The following NUS1 variants were observed in gnomAD, a reference collection of about 807,000 sequenced individuals.
The protein encoded by NUS1 is dehydrodolichyl diphosphate synthase complex subunit NUS1.
For missense variants in NUS1, 292 were observed against 382.9 expected (o/e 0.76, Z 1.98); for synonymous variants, 135 against 155.2 (o/e 0.87, Z 0.97).
At position 117,675,541 on chromosome 6, in the gene NUS1, A is replaced by T; in HGVS notation, c.-130A>T. On this transcript the variant is annotated 5_prime_UTR_variant, in exon 1 of 5. Transcript: ENST00000368494. ...GGGCGAGGTGAGGTGTTGGCAGTGG[A>T]AAGGGGTTCGGGCTCGGGGGGCGGG... is the stretch of plus-strand genomic sequence containing the variant. 1.1e-6 allele frequency: 1 copy of T among 921,754 alleles called. No individual in the cohort carries two copies. Among genetic ancestry groups the T allele is most frequent in the Non-Finnish European group, 1.6e-6 (1 of 616,426 alleles). The allele number at this position is 921,754 out of a possible 1,614,324, so 57.1% of individuals were successfully genotyped here.
At position 117,708,892 on chromosome 6, in the gene NUS1, AAAGTT is replaced by A. The variant is rs763547945; in HGVS notation, c.*1884_*1888del. On this transcript the variant is annotated 3_prime_UTR_variant, in exon 5 of 5. Transcript: ENST00000368494. ...AAAATGAAGGGATTTAATCGTTGTT[AAAGTT>A]AAGTTAGTCAAATAAATTACCTACT... is the stretch of plus-strand genomic sequence containing the variant. 6.6e-6 allele frequency: 1 copy of A among 152,054 alleles called. No individual in the cohort carries two copies. The highest frequency in any genetic ancestry group is 1.5e-5 in the Non-Finnish European group (1 of 67,950). 9.4% of individuals were successfully genotyped at this position (152,054 alleles called of 1,614,324 possible). A position where few individuals can be genotyped will look rare whatever the true frequency, so the allele number is the denominator to read the frequency against.
chr6:117,675,831 T>G lies in NUS1; in HGVS notation c.161T>G (p.Phe54Cys). The G allele has an allele frequency of 6.5e-7, 1 of 1,546,640 alleles. No individual in the cohort carries two copies. Among genetic ancestry groups the G allele is most frequent in the Non-Finnish European group, 8.7e-7 (1 of 1,146,788 alleles). ...GCCGCGGTCCTAGCGCCGCTCGGCT[T>G]CACGCTCCGCAAGCCCCCGGCAGTC... ...ASAAVLAPLG[F>C]TLRKPPAVGR... Residue 54 changes from phenylalanine to cysteine, a missense_variant, in exon 1 of 5, where the codon TTC (phenylalanine) becomes TGC (cysteine). Coordinates refer to ENST00000368494, the MANE Select transcript of NUS1 (RefSeq NM_138459.5).
intron 1 of NUS1, among the ~76,000 whole-genome samples, chr6:117,690,666 A>G (rs533019334): frequency 6.6e-6 from 1 of 152,182 alleles, no homozygotes; most frequent in Non-Finnish European, 1.5e-5. Context: ...CTTTCCTTCA[A>G]ACAAGTTCTC....
At chr6:117,700,749 T>C (rs1351722714) in intron 3 of NUS1, among the ~76,000 whole-genome samples, 4 of 152,212 alleles carry the variant, frequency 2.6e-5, no homozygotes, top group Non-Finnish European at 5.9e-5. Context: ...AATGTACATA[T>C]GGACCACAGA....
At chr6:117,685,855 G>A (rs1007161433) in intron 1 of NUS1, among the ~76,000 whole-genome samples, 2 of 151,832 alleles carry the variant, frequency 1.3e-5, no homozygotes, top group African/African-American at 4.8e-5. Context: ...TTTTTAAAAA[G>A]AGCTCTGGAG....
chr6:117,705,974 A>T (rs1773494271), intron 4 of NUS1, among the ~76,000 whole-genome samples: 1 of 152,160 alleles, frequency 6.6e-6, no homozygotes, highest in South Asian at 2.1e-4. Flanking sequence ...AAAGACAGGC[A>T]GGAGTCCTTT....
At chr6:117,688,598 T>G (rs1041161266) in intron 1 of NUS1, among the ~76,000 whole-genome samples, 1 of 152,176 alleles carries the variant, frequency 6.6e-6, no homozygotes, top group Non-Finnish European at 1.5e-5. Flanking sequence ...ACACTTAAAG[T>G]CCTGCTCCTT....
At position 117,676,659 on chromosome 6, in the gene NUS1, A is replaced by G. The variant is rs904466714; in HGVS notation, c.415+574A>G. ...CTGCAGTAATGTAGATGGTATTTGT[A>G]TACCCTTGCCAAGGTTTAAAAACAT... On this transcript the variant is annotated intron_variant, in intron 1 of 4. Transcript: ENST00000368494. Among the ~76,000 whole-genome samples, 3 of 152,362 alleles carry G rather than the reference A, an allele frequency of 2.0e-5. No homozygotes were observed. In the South Asian group the frequency reaches 6.2e-4, roughly 32 times the overall value.
rs1466175468 is a variant in NUS1 at position 117,675,979 on chromosome 6, G to A, written c.309G>A (p.Leu103=). Residue 103 remains leucine, a synonymous_variant, in exon 1 of 5, where the codon CTG becomes CTA. Coordinates refer to ENST00000368494, the MANE Select transcript of NUS1 (RefSeq NM_138459.5). ...AGAAGCTGCCTGTGCATATGGGCCT[G>A]GTGATCACCGAGGTGGAGCAGGAAC... ...SLEKLPVHMG[L]VITEVEQEPS... is the part of the protein sequence containing the mutation. 2.6e-6 allele frequency: 4 copies of A among 1,549,442 alleles called. No homozygotes were observed. The highest frequency in any genetic ancestry group is 2.4e-5 in the South Asian group (2 of 83,966).
At chr6:117,686,472 G>A (rs1483945148) in intron 1 of NUS1, among the ~76,000 whole-genome samples, 1 of 152,132 alleles carries the variant, frequency 6.6e-6, no homozygotes, top group Non-Finnish European at 1.5e-5. Flanking sequence ...ATTCTTAGAT[G>A]CTTGGCCAAA....
At position 117,697,734 on chromosome 6, in the gene NUS1, C is replaced by G. The variant is rs535548830; in HGVS notation, c.691+3554C>G. Among the ~76,000 whole-genome samples, 154 of 152,168 alleles carry G rather than the reference C, an allele frequency of 1.0e-3. 1 individual carries two copies. The highest frequency in any genetic ancestry group is 3.6e-3 in the African/African-American group (149 of 41,542). On this transcript the variant is annotated intron_variant, in intron 3 of 4. Transcript: ENST00000368494. ...AATAGCTGGAGACTTCAACACCCCA[C>G]TTTCAACACTAGACAGATAGAGACA...
At chr6:117,698,292 A>G (rs1187625755) in intron 3 of NUS1, among the ~76,000 whole-genome samples, 1 of 152,086 alleles carries the variant, frequency 6.6e-6, no homozygotes, top group Non-Finnish European at 1.5e-5. Flanking sequence ...ACCAAGGAAA[A>G]AAACCAGAAG....
At chr6:117,693,523 TAGA>T (rs1285824257) in intron 2 of NUS1, among the ~76,000 whole-genome samples, 10 of 152,216 alleles carry the variant, frequency 6.6e-5, no homozygotes, top group African/African-American at 2.4e-4. Context: ...TGCATGTCTA[TAGA>T]TAAGAATTTT....
chr6:117,690,979 C>CTA (rs1773209224), intron 1 of NUS1, among the ~76,000 whole-genome samples: 1 of 73,294 alleles, frequency 1.4e-5, no homozygotes, highest in African/African-American at 6.0e-5. Context: ...GAGTCTGTCT[C>CTA]AAAAAAAAAA....
chr6:117,691,287 T>C (rs1331958638), intron 1 of NUS1, among the ~76,000 whole-genome samples: 1 of 152,074 alleles, frequency 6.6e-6, no homozygotes, highest in East Asian at 1.9e-4. Context: ...AAACTAGGAC[T>C]ATCCTCTTAC....
At chr6:117,704,984 A>G (rs570695309) in intron 4 of NUS1, among the ~76,000 whole-genome samples, 1 of 152,234 alleles carries the variant, frequency 6.6e-6, no homozygotes, top group East Asian at 1.9e-4. Context: ...AAGTAGTTGA[A>G]CCTGTGAGAA....
chr6:117,704,484 A>G (rs937364526), intron 4 of NUS1, among the ~76,000 whole-genome samples: 3 of 152,200 alleles, frequency 2.0e-5, no homozygotes, highest in African/African-American at 7.2e-5. Flanking sequence ...CTCTGCTGCT[A>G]TAGCTAAACA....
At chr6:117,690,732 C>T (rs1773203579) in intron 1 of NUS1, among the ~76,000 whole-genome samples, 1 of 152,088 alleles carries the variant, frequency 6.6e-6, no homozygotes, top group East Asian at 1.9e-4. Flanking sequence ...TGGCTCACAC[C>T]TGTAATCCCA....
Position 117,675,890 on chromosome 6 carries a change from G to T in NUS1, c.220G>T (p.Gly74Trp), listed in dbSNP as rs1041259462. The change falls in exon 1 of 5, where the codon GGG (glycine) becomes TGG (tryptophan). Residue 74 changes from glycine to tryptophan, a missense_variant. By Grantham distance (184) the Gly-to-Trp change is radical. Coordinates refer to ENST00000368494, the MANE Select transcript of NUS1 (RefSeq NM_138459.5). Reference sequence around the variant, plus strand: ...CCGCCGTCACCACCGGCACCCGCGCGGGGGGTCGTGCCTGGCAGCCGCACA... The same window carrying T: ...CCGCCGTCACCACCGGCACCCGCGCTGGGGGTCGTGCCTGGCAGCCGCACA... ...RNRRHHRHPR[G>W]GSCLAAAHHR... 6 of 1,534,926 alleles carry T rather than the reference G, an allele frequency of 3.9e-6. No homozygotes were observed. In the Admixed American group the frequency reaches 1.0e-4, roughly 26 times the overall value.
Sources: gnomAD v4.1 joint callset for allele counts (sites outside exome capture counted in the v4.1 genomes callset) on GRCh38, gnomAD v4.1.1 for gene constraint, MANE v1.5 for transcripts, NCBI Gene and HGNC (gene_info 2026-07-23, HGNC 2026-07-21) for gene names.